Variants in SCRIB observed in about 807,000 individuals in gnomAD.
SCRIB encodes protein scribble homolog.
Under a neutral mutation model 170.0 loss-of-function variants are expected in SCRIB, and 72 were observed. The observed-to-expected ratio is 0.42, with a 90% CI of 0.35 to 0.52. The LOEUF is 0.52. Among genes scored for constraint, SCRIB ranks in the 20% least tolerant of loss-of-function variants. SCRIB has a pLI of 0.02. For missense variants in SCRIB, 2,475 were observed against 2,338.5 expected (o/e 1.06, Z -1.20); for synonymous variants, 1,298 against 1,044.3 (o/e 1.24, Z -4.68).
At position 143,807,598 on chromosome 8, in the gene SCRIB, T is replaced by C. The variant is rs1181632231; in HGVS notation, c.2132A>G (p.Gln711Arg). ...APSVKGVSFD[Q>R]ANNLLIEPAR... The stretch of plus-strand genomic sequence containing the variant: ...AGGCTCTATCAGCAGGTTATTGGCC[T>C]GGTCAAACGACACTCCCTGTTAGGA... Residue 711 changes from glutamine to arginine, a missense_variant, in exon 16 of 37, where the codon CAG (glutamine) becomes CGG (arginine). By Grantham distance (43) the Gln-to-Arg change is conservative. Transcript: ENST00000356994. The C allele has an allele frequency of 4.3e-6, 7 of 1,613,762 alleles. No individual in the cohort carries two copies. In the African/African-American group the frequency reaches 5.3e-5, roughly 12 times the overall value.
chr8:143,794,756 G>A (rs1333887598), intron 27 of SCRIB, among the ~76,000 whole-genome samples: 1 of 152,114 alleles, frequency 6.6e-6, no homozygotes, highest in African/African-American at 2.4e-5. Context: ...CCCAGCAGCA[G>A]CAGGTGAAGC....
In SCRIB at chr8:143,793,033, G is replaced by T; in HGVS notation, c.3960C>A (p.Ala1320=). 6.6e-7 allele frequency: 1 copy of T among 1,512,458 alleles called. No individual in the cohort carries two copies. The allele number at this position is 1,512,458 out of a possible 1,614,324, so 93.7% of individuals were successfully genotyped here. ...TGGGCACGGCCGCGAAGGCCCTGTA[G>T]GCCTGCTTCACATTGGCGGGCAGCT... ...PDELPANVKQ[A]YRAFAAVPTS... is the part of the protein sequence containing the mutation. Residue 1320 remains alanine (A), a synonymous_variant, in exon 29 of 37, where the codon GCC becomes GCA. Coordinates refer to ENST00000356994, the MANE Select transcript of SCRIB (RefSeq NM_182706.5).
In SCRIB at chr8:143,795,310, G is replaced by A; in HGVS notation, c.3738C>T (p.Thr1246=). 6.2e-7 allele frequency: 1 copy of A among 1,612,696 alleles called. No individual in the cohort carries two copies. Among genetic ancestry groups the A allele is most frequent in the Non-Finnish European group, 8.5e-7 (1 of 1,179,868 alleles). ...CTGTGGCCTCGGGCCCCCAGTGCAG[G>A]GTCTGTCCAGGCAGCTCCTTCTCCT... ...PGKEKELPGQ[T]LHWGPEATEA... is the part of the protein sequence containing the mutation. The change falls in exon 26 of 37, where the codon ACC becomes ACT. Residue 1246 remains threonine (T), a synonymous_variant. Coordinates refer to ENST00000356994, the MANE Select transcript of SCRIB (RefSeq NM_182706.5).
At position 143,792,249 on chromosome 8, in the gene SCRIB, G is replaced by T. The variant is rs542500771; in HGVS notation, c.4485C>A (p.Ala1495=). The T allele has an allele frequency of 3.2e-6, 5 of 1,572,908 alleles. No individual in the cohort carries two copies. Among genetic ancestry groups the T allele is most frequent in the Non-Finnish European group, 4.3e-6 (5 of 1,166,600 alleles). The change falls in exon 32 of 37, where the codon GCC becomes GCA. Residue 1495 remains alanine (A), a synonymous_variant. Coordinates refer to ENST00000356994, the MANE Select transcript of SCRIB (RefSeq NM_182706.5). ...CTGCCCTCCACAGCGCACGCTTCTC[G>T]GCCTCCAGGGCCCGGAGCTCGGCAG... ...LSPAELRALE[A]EKRALWRAAR...
At chr8:143,803,020 A>C (rs2130062694) in intron 24 of SCRIB, among the ~76,000 whole-genome samples, 1 of 152,318 alleles carries the variant, frequency 6.6e-6, no homozygotes. Flanking sequence ...GGCTTTGGGC[A>C]GGGCTTGGAG....
Position 143,815,266 on chromosome 8 carries a change from C to T in SCRIB, c.107G>A (p.Arg36His). The T allele has an allele frequency of 6.3e-7, 1 of 1,595,466 alleles. No individual in the cohort carries two copies. The highest frequency in any genetic ancestry group is 8.5e-7 in the Non-Finnish European group (1 of 1,174,394). ...AVPEEIYRYSRSLEELLLDAN... is the reference protein window; with the variant it reads ...AVPEEIYRYSHSLEELLLDAN... ...GTCGAGCAGCAGCTCCTCCAGGCTG[C>T]GGCTGTAGCGGTAGATCTCCTCCGG... Residue 36 changes from arginine to histidine, a missense_variant, in exon 1 of 37, where the codon CGC (arginine) becomes CAC (histidine). Physicochemically the swap from Arg to His is conservative, Grantham distance 29. Around this residue, in one of 3 missense-constraint regions of SCRIB, gnomAD observed 487 missense variants for 558.1 expected, o/e 0.87. Transcript: ENST00000356994.
intron 24 of SCRIB, among the ~76,000 whole-genome samples, chr8:143,800,377 T>A (rs928771736): frequency 1.6e-4 from 24 of 152,130 alleles, no homozygotes; most frequent in Non-Finnish European, 3.1e-4. Context: ...AAGATGAAAG[T>A]CCCTCAGAGC....
intron 1 of SCRIB, chr8:143,814,756 G>A (rs186551383): frequency 1.2e-5 from 2 of 170,556 alleles, no homozygotes; most frequent in Non-Finnish European, 2.5e-5. Context: ...CTGACCACGA[G>A]AAGCAAGGGT....
chr8:143,810,429 C>A, intron 13 of SCRIB, 50 bp downstream of exon 13: 1 of 1,590,988 alleles, frequency 6.3e-7, no homozygotes. Context: ...ACCGGACCAC[C>A]ACAGCTCCCG....
intron 9 of SCRIB, among the ~76,000 whole-genome samples, 173 bp from the exon 10 acceptor site, chr8:143,811,518 C>T (rs1255449563): frequency 6.6e-6 from 1 of 152,094 alleles, no homozygotes; most frequent in Non-Finnish European, 1.5e-5. Flanking sequence ...CACCCCACTT[C>T]GTGCCCTCTG....
At chr8:143,811,431 AC>A in intron 9 of SCRIB, 86 bp from the exon 10 acceptor site, 1 of 1,226,782 alleles carries the variant, frequency 8.2e-7, no homozygotes. Context: ...GGGCACAGAC[AC>A]CCCAGGCCAG....
rs782655167 is a variant in SCRIB, at chr8:143,807,551, CCT to C, written c.2177_2178del (p.Glu726AlafsTer26). On this transcript the variant is annotated frameshift_variant and splice_region_variant, in exon 16 of 37. Coordinates refer to ENST00000356994, the MANE Select transcript of SCRIB (RefSeq NM_182706.5). LOFTEE classifies it high-confidence loss of function. ...CAGAGTGCAGAGCGAGCAGTACAGA[CCT>C]CTTCCTCCTCAATGCGAGCAGGCTC... ...LIEPARIEEE[E>X]LTLTILRQTG... 6.2e-7 allele frequency: 1 copy of C among 1,613,082 alleles called. No individual in the cohort carries two copies. The highest frequency in any genetic ancestry group is 2.2e-5 in the East Asian group (1 of 44,860).
chr8:143,794,260 G>A (rs566519520), intron 27 of SCRIB: 6 of 414,760 alleles, frequency 1.4e-5, no homozygotes, highest in East Asian at 7.2e-5. Context: ...GGGAGGGCTC[G>A]GGGGAGGGGC....
Position 143,810,512 on chromosome 8 carries a change from C to A in SCRIB, c.1497G>T (p.Gln499His), listed in dbSNP as rs556086275. 2 of 1,612,080 alleles carry A rather than the reference C, an allele frequency of 1.2e-6. No homozygotes were observed. The highest frequency in any genetic ancestry group is 2.2e-5 in the South Asian group (2 of 91,078). The change falls in exon 13 of 37, where the codon CAG (glutamine) becomes CAT (histidine). Residue 499 changes from glutamine to histidine, a missense_variant. Around this residue, in one of 3 missense-constraint regions of SCRIB, gnomAD observed 1,966 missense variants for 1,742.9 expected, o/e 1.13. Coordinates refer to ENST00000356994, the MANE Select transcript of SCRIB (RefSeq NM_182706.5). ...CAGGCAAGGGCGACCCAGAGTCTGG[C>A]TGGCAAGGGCAGGCCTCGCTCCGCC... ...EGRRSEACPCQPDSGSPLPAE... is the reference protein window; with the variant it reads ...EGRRSEACPCHPDSGSPLPAE...
At position 143,804,962 on chromosome 8, in the gene SCRIB, G is replaced by A; in HGVS notation, c.2723C>T (p.Thr908Ile). Residue 908 changes from threonine to isoleucine, a missense_variant, in exon 20 of 37, where the codon ACA becomes ATA. Physicochemically the swap from Thr to Ile is moderately conservative, Grantham distance 89. Transcript: ENST00000356994. ...AEGGAAHRAG[T>I]LQVGDRVLSI... ...GAGGACGCGGTCGCCAACCTGCAGT[G>A]TGCCCGCGCGGTGAGCAGCACCGCC... 1.3e-6 allele frequency: 2 copies of A among 1,577,188 alleles called. No homozygotes were observed. The highest frequency in any genetic ancestry group is 1.7e-6 in the Non-Finnish European group (2 of 1,167,298).
In SCRIB at chr8:143,804,594, C is replaced by G. The variant is rs564377435; in HGVS notation, c.2983G>C (p.Ala995Pro). ...PSLAPSLLAA[A>P]LEGPYPVEEI... ...TCCACTGGGTATGGCCCTTCCAACG[C>G]GGCAGCCAGCAGGCTGGGGGCCAGG... Residue 995 changes from alanine to proline, a missense_variant, in exon 21 of 37, where the codon GCG (alanine) becomes CCG (proline). Physicochemically the swap from Ala to Pro is conservative, Grantham distance 27 (BLOSUM62 -1). Transcript: ENST00000356994. The G allele has an allele frequency of 2.0e-6, 3 of 1,514,272 alleles. No homozygotes were observed. The East Asian group carries it at 6.8e-5, about 34-fold the overall frequency. The allele number at this position is 1,514,272 out of a possible 1,614,324, so 93.8% of individuals were successfully genotyped here.
intron 24 of SCRIB, among the ~76,000 whole-genome samples, chr8:143,797,439 G>A (rs1236765999): frequency 2.6e-5 from 4 of 152,200 alleles, no homozygotes; most frequent in African/African-American, 9.7e-5. Context: ...CAACCACCTC[G>A]GGGCCCGCTC....
intron 11 of SCRIB, 32 bp from the exon 12 acceptor site, chr8:143,810,848 G>A (rs1208820839): frequency 6.2e-7 from 1 of 1,605,516 alleles, no homozygotes; most frequent in Non-Finnish European, 8.5e-7. Context: ...ACCCAGGCTA[G>A]TCCCCAAACC....
chr8:143,807,081 C>A (rs549119567), intron 16 of SCRIB, 68 bp from the exon 17 acceptor site: 59 of 1,132,466 alleles, frequency 5.2e-5, no homozygotes, highest in Non-Finnish European at 6.8e-5. Context: ...CTGCAGGAGA[C>A]CCCACCAGCA....
Sources: allele counts gnomAD v4.1 joint callset (sites outside exome capture counted in the v4.1 genomes callset), GRCh38; gene constraint gnomAD v4.1.1; regional missense constraint gnomAD v4.1.1; transcripts MANE v1.5; gene names NCBI Gene and HGNC (gene_info 2026-07-23, HGNC 2026-07-21).